The following GFRA1 variants were observed in gnomAD, a reference collection of about 807,000 sequenced individuals.
GFRA1 encodes GDNF family receptor alpha 1.
Under a neutral mutation model 51.6 loss-of-function variants are expected in GFRA1, and 16 were observed. That is an observed-to-expected ratio of 0.31 (90% CI 0.21 to 0.47). The LOEUF (loss-of-function observed/expected upper bound fraction) is 0.47, where lower values mean the gene tolerates loss of function less well. Ranked by LOEUF, GFRA1 falls within the 20% of genes least tolerant of loss-of-function variation. GFRA1 has a pLI of 1.00. For missense variants in GFRA1, 530 were observed against 594.3 expected (o/e 0.89, Z 1.13); for synonymous variants, 270 against 241.3 (o/e 1.12, Z -1.10).
chr10:116,155,804 C>T (rs147757676), intron 5 of GFRA1, among the ~76,000 whole-genome samples: 74 of 152,232 alleles, frequency 4.9e-4, no homozygotes, highest in African/African-American at 1.7e-3. Flanking sequence ...GAGCCACAGG[C>T]AGTGCCAGAG....
At chr10:116,234,355 G>C (rs1966842273) in intron 4 of GFRA1, among the ~76,000 whole-genome samples, 1 of 152,204 alleles carries the variant, frequency 6.6e-6, no homozygotes, top group Non-Finnish European at 1.5e-5. Context: ...GCTCCAACTG[G>C]TGAGGGGAAA....
At chr10:116,204,421 G>C (rs1037374334) in intron 5 of GFRA1, among the ~76,000 whole-genome samples, 8 of 152,200 alleles carry the variant, frequency 5.3e-5, no homozygotes, top group African/African-American at 1.9e-4. Context: ...AGGACACCCT[G>C]GTAGCAATAA....
intron 4 of GFRA1, among the ~76,000 whole-genome samples, chr10:116,227,050 T>C (rs1966347784): frequency 6.6e-6 from 1 of 152,156 alleles, no homozygotes; most frequent in African/African-American, 2.4e-5. Flanking sequence ...GTTCCTACTG[T>C]CCAGGGTTGG....
chr10:116,107,513 C>G (rs1957050405), intron 6 of GFRA1, among the ~76,000 whole-genome samples: 2 of 152,164 alleles, frequency 1.3e-5, no homozygotes, highest in South Asian at 4.1e-4. Flanking sequence ...GAAATTACTC[C>G]TGTGAGTCTT....
At chr10:116,205,553 G>A (rs1338105599) in intron 5 of GFRA1, among the ~76,000 whole-genome samples, 2 of 148,734 alleles carry the variant, frequency 1.3e-5, no homozygotes, top group Non-Finnish European at 3.0e-5. Context: ...CTAGCCTGGC[G>A]ACAGAGCTAG....
intron 9 of GFRA1, among the ~76,000 whole-genome samples, chr10:116,083,448 G>A (rs1297122884): frequency 6.6e-6 from 1 of 152,228 alleles, no homozygotes; most frequent in African/African-American, 2.4e-5. Flanking sequence ...TGCTCTGCTA[G>A]CATAAATTGC....
chr10:116,167,374 A>T (rs1338277103), intron 5 of GFRA1, among the ~76,000 whole-genome samples: 1 of 151,838 alleles, frequency 6.6e-6, no homozygotes, highest in Non-Finnish European at 1.5e-5. Flanking sequence ...CAACTCTAAC[A>T]CGTGGTCTGG....
At chr10:116,110,657 T>C (rs1407645593) in intron 6 of GFRA1, among the ~76,000 whole-genome samples, 1 of 152,202 alleles carries the variant, frequency 6.6e-6, no homozygotes, top group Non-Finnish European at 1.5e-5. Flanking sequence ...CATCTTCAGC[T>C]TTGTAGCCTG....
intron 5 of GFRA1, among the ~76,000 whole-genome samples, chr10:116,196,595 TAA>T (rs1490734485): frequency 0.025 from 377 of 15,138 alleles, 34 homozygotes; most frequent in Non-Finnish European, 0.062. Flanking sequence ...GTACTATATA[TAA>T]TATATATATA....
intron 5 of GFRA1, among the ~76,000 whole-genome samples, chr10:116,127,358 T>C (rs1957922007): frequency 6.6e-6 from 1 of 152,256 alleles, no homozygotes; most frequent in Non-Finnish European, 1.5e-5. Flanking sequence ...CCTGTTCTAC[T>C]GAAGATGCGT....
intron 4 of GFRA1, among the ~76,000 whole-genome samples, chr10:116,240,496 G>T (rs1967270524): frequency 6.6e-6 from 1 of 152,220 alleles, no homozygotes; most frequent in Non-Finnish European, 1.5e-5. Context: ...TTTGAAGGGT[G>T]TGAGTCCTAC....
chr10:116,163,669 C>G (rs1589836162), intron 5 of GFRA1, among the ~76,000 whole-genome samples: 3 of 152,332 alleles, frequency 2.0e-5, no homozygotes, highest in African/African-American at 7.2e-5. Flanking sequence ...CCAGAGAACA[C>G]AGTCCCTTCT....
At chr10:116,079,290 T>C (rs1955749375) in intron 9 of GFRA1, among the ~76,000 whole-genome samples, 1 of 152,108 alleles carries the variant, frequency 6.6e-6, no homozygotes, top group African/African-American at 2.4e-5. Flanking sequence ...CCGCCCAGTC[T>C]ACAGTATTTT....
chr10:116,147,478 T>A (rs757469016), intron 5 of GFRA1, among the ~76,000 whole-genome samples: 1 of 152,140 alleles, frequency 6.6e-6, no homozygotes, highest in Admixed American at 6.5e-5. Flanking sequence ...CACTAGCTTA[T>A]GCCCCAGCTC....
At chr10:116,271,338 C>A (rs911730921) in intron 2 of GFRA1, among the ~76,000 whole-genome samples, 2 of 152,242 alleles carry the variant, frequency 1.3e-5, no homozygotes, top group African/African-American at 4.8e-5. Context: ...AAGAGTGGCG[C>A]AGGCTCAGCC....
intron 5 of GFRA1, among the ~76,000 whole-genome samples, chr10:116,173,561 C>T (rs10749196): frequency 0.59 from 89,402 of 151,986 alleles, 26,263 homozygotes; most frequent in Middle Eastern, 0.63. Flanking sequence ...TTGCTTTCAC[C>T]GTATGCCTTT....
rs1438884976 is a variant in GFRA1, at chr10:116,064,085, C to CATCATGATGATCATG, written c.*312_*313insCATGATCATCATGAT. ...TCATCATCATGATCATGATGATCAT[C>CATCATGATGATCATG]ATCATGATCATCATCATCATCGAAA... On this transcript the variant is annotated 3_prime_UTR_variant, in exon 11 of 11. Coordinates refer to ENST00000355422, the MANE Select transcript of GFRA1 (RefSeq NM_005264.8). 6.6e-4 allele frequency: 129 copies of CATCATGATGATCATG among 196,062 alleles called. 2 individuals are homozygous for CATCATGATGATCATG. The highest frequency in any genetic ancestry group is 5.3e-3 in the African/African-American group (124 of 23,288). 12.1% of individuals were successfully genotyped at this position (196,062 alleles called of 1,614,324 possible).
chr10:116,139,585 G>A (rs191828722), intron 5 of GFRA1, among the ~76,000 whole-genome samples: 4 of 152,338 alleles, frequency 2.6e-5, no homozygotes, highest in Non-Finnish European at 4.4e-5. Context: ...CTTTGTGCCT[G>A]GAGAGATCAG....
intron 5 of GFRA1, among the ~76,000 whole-genome samples, chr10:116,193,656 T>A (rs1963464205): frequency 6.6e-6 from 1 of 152,154 alleles, no homozygotes; most frequent in African/African-American, 2.4e-5. Flanking sequence ...TAACCCAACC[T>A]TGAAGGAGGT....
Sources: gnomAD v4.1 joint callset for allele counts (sites outside exome capture counted in the v4.1 genomes callset) on GRCh38, gnomAD v4.1.1 for gene constraint, MANE v1.5 for transcripts, NCBI Gene and HGNC (gene_info 2026-07-23, HGNC 2026-07-21) for gene names.